SAMD11: variants seen among roughly 807,000 people sequenced by gnomAD.
The protein encoded by SAMD11 is sterile alpha motif domain containing 11, also known as sterile alpha motif domain-containing protein 11.
In SAMD11, 77 loss-of-function variants were observed where a neutral mutation model predicts 64.4. That is an observed-to-expected ratio of 1.20 (90% confidence interval 0.99 to 1.44). SAMD11 has a LOEUF of 1.44. Ranked by LOEUF, SAMD11 falls within the 40% of genes most tolerant of loss-of-function variation. The pLI, the probability that SAMD11 is intolerant of heterozygous loss-of-function variation, is 0.00. For missense variants in SAMD11, 1,402 were observed against 943.3 expected (o/e 1.49, Z -6.37); for synonymous variants, 658 against 421.9 (o/e 1.56, Z -6.86).
rs1441881282 is a variant in SAMD11 at position 939,111 on chromosome 1, C to T, written c.1039C>T (p.Arg347Ter). Residue 347 changes from arginine to a stop codon, truncating the protein, a stop_gained, in exon 6 of 14, where the codon CGA becomes TGA. Transcript: ENST00000616016. LOFTEE classifies it high-confidence loss of function. Reference sequence around the variant, plus strand: ...CGACTGCTTTTCAGAGAAGAGGGCACGAAGCGAATCGCCTCAAGGTAAGAG... The same window carrying T: ...CGACTGCTTTTCAGAGAAGAGGGCATGAAGCGAATCGCCTCAAGGTAAGAG... ...SSDCFSEKRA[R>*]SESPQEALLL... 1.7e-5 allele frequency: 27 copies of T among 1,597,194 alleles called. No individual in the cohort carries two copies. Among genetic ancestry groups the T allele is most frequent in the Non-Finnish European group, 2.0e-5 (24 of 1,172,056 alleles).
At chr1:943,208 A>G (rs762905331) in intron 11 of SAMD11, 45 bp from the exon 12 acceptor site, 1 of 1,610,906 alleles carries the variant, frequency 6.2e-7, no homozygotes, top group South Asian at 1.1e-5. Context: ...ACGGGCGGGT[A>G]TGGGAAAGCC....
chr1:942,312 C>T (rs1185402706), intron 9 of SAMD11, 61 bp downstream of exon 9: 2 of 1,055,232 alleles, frequency 1.9e-6, no homozygotes, highest in Non-Finnish European at 2.5e-6. Flanking sequence ...CCCGGCCCTG[C>T]CCCTGTCGGA....
At chr1:935,150 A>G (rs1459252922) in intron 4 of SAMD11, among the ~76,000 whole-genome samples, 1 of 152,028 alleles carries the variant, frequency 6.6e-6, no homozygotes, top group Non-Finnish European at 1.5e-5. Context: ...GAAATGAGGG[A>G]AGAAAAGAGT....
At chr1:930,949 C>A in intron 3 of SAMD11, 90 bp from the exon 4 acceptor site, 1 of 1,327,820 alleles carries the variant, frequency 7.5e-7, no homozygotes, top group African/African-American at 1.4e-5. Context: ...GGGGCACTGA[C>A]CCGAGACAGG....
At chr1:943,523 CACCTTTTTT>C in intron 12 of SAMD11, 146 bp downstream of exon 12, 2 of 872,462 alleles carry the variant, frequency 2.3e-6, no homozygotes. Context: ...CTGTGCACCC[CACCTTTTTT>C]TTTTTTTTTT....
rs752158245 is a variant in SAMD11, at chr1:941,324, G to A, written c.1358+18G>A. The A allele has an allele frequency of 1.0e-5, 16 of 1,531,922 alleles. No individual in the cohort carries two copies. Among genetic ancestry groups the A allele is most frequent in the African/African-American group, 2.8e-5 (2 of 72,640 alleles). The allele number at this position is 1,531,922 out of a possible 1,614,324, so 94.9% of individuals were successfully genotyped here. ...TCGGAGAGGTACTGGGGTGGCTGCC[G>A]TTCTCTGCTTGTTTCTGGGGTGCCG... On this transcript the variant is annotated intron_variant, in intron 8 of 13. Coordinates refer to ENST00000616016, the MANE Select transcript of SAMD11 (RefSeq NM_001385641.1).
At position 934,976 on chromosome 1, in the gene SAMD11, G is replaced by A. The variant is rs188664237; in HGVS notation, c.843-796G>A. ...CAGGTGGGCGGGCGGTGCTGCAGGA[G>A]GACTGCTCAGGGAGTGGCGCCTGGA... On this transcript the variant is annotated intron_variant, in intron 4 of 13. Coordinates refer to ENST00000616016, the MANE Select transcript of SAMD11 (RefSeq NM_001385641.1). Among the ~76,000 whole-genome samples the A allele has an allele frequency of 3.9e-4, 59 of 150,808 alleles. 1 individual carries two copies. The highest frequency in any genetic ancestry group is 1.3e-3 in the African/African-American group (53 of 40,364).
chr1:942,211 C>T lies in SAMD11; in HGVS notation c.1434C>T (p.Pro478=). 3 of 1,365,530 alleles carry T rather than the reference C, an allele frequency of 2.2e-6. No homozygotes were observed. The highest frequency in any genetic ancestry group is 2.8e-6 in the Non-Finnish European group (3 of 1,054,260). 84.6% of individuals were successfully genotyped at this position (1,365,530 alleles called of 1,614,324 possible). Residue 478 remains proline, a synonymous_variant, in exon 9 of 14, where the codon CCC becomes CCT. Transcript: ENST00000616016. ...TCGCCCTGGGCCCCCATCTCAGGCCCCCCTTCCTGGGGGTGCCCTCGGCTC... is the reference window on the plus strand; with the variant it reads ...TCGCCCTGGGCCCCCATCTCAGGCCTCCCTTCCTGGGGGTGCCCTCGGCTC... ...PHVALGPHLR[P]PFLGVPSALC...
In SAMD11 at chr1:930,347, C is replaced by G. The variant is rs772587001; in HGVS notation, c.791+11C>G. On this transcript the variant is annotated intron_variant, in intron 3 of 13. Coordinates refer to ENST00000616016, the MANE Select transcript of SAMD11 (RefSeq NM_001385641.1). ...TATCATGAAGAGAAGGTACTTGGAC[C>G]AGGGCCGGACAGGAAGGCGCAAGGC... 6 of 1,589,294 alleles carry G rather than the reference C, an allele frequency of 3.8e-6. No individual in the cohort carries two copies. The highest frequency in any genetic ancestry group is 1.3e-5 in the African/African-American group (1 of 74,680).
At position 924,552 on chromosome 1, in the gene SAMD11, C is replaced by A. The variant is rs1418372650; in HGVS notation, c.121C>A (p.Pro41Thr). Residue 41 changes from proline (P) to threonine (T), a missense_variant, in exon 1 of 14, where the codon CCC (proline) becomes ACC (threonine). Coordinates refer to ENST00000616016, the MANE Select transcript of SAMD11 (RefSeq NM_001385641.1). ...GCTGCCAGGCTACCTGGCGCCACTG[C>A]CCGCGGCGGCCGCCCTCCCCCCGGC... ...PPLPGYLAPL[P>T]AAAALPPAAS... 6.6e-6 allele frequency: 1 copy of A among 150,788 alleles called. No individual in the cohort carries two copies. Among genetic ancestry groups the A allele is most frequent in the Non-Finnish European group, 1.5e-5 (1 of 67,400 alleles). 9.3% of individuals were successfully genotyped at this position (150,788 alleles called of 1,614,324 possible).
chr1:935,155 A>G (rs1641363791), intron 4 of SAMD11, among the ~76,000 whole-genome samples: 1 of 152,072 alleles, frequency 6.6e-6, no homozygotes, highest in African/African-American at 2.4e-5. Context: ...GAGGGAAGAA[A>G]AGAGTTAAAT....
At chr1:927,887 C>T (rs995171508) in intron 2 of SAMD11, among the ~76,000 whole-genome samples, 3 of 152,366 alleles carry the variant, frequency 2.0e-5, no homozygotes, top group Non-Finnish European at 4.4e-5. Flanking sequence ...CAGACCTGCC[C>T]TCCAGGTGCC....
rs766793967 is a variant in SAMD11 at position 935,803 on chromosome 1, A to G, written c.874A>G (p.Ser292Gly). 23 of 1,613,108 alleles carry G rather than the reference A, an allele frequency of 1.4e-5. No individual in the cohort carries two copies. Among genetic ancestry groups the G allele is most frequent in the Non-Finnish European group, 1.9e-5 (22 of 1,179,830 alleles). The change falls in exon 5 of 14, where the codon AGC becomes GGC. Residue 292 changes from serine to glycine, a missense_variant. By Grantham distance (56) the Ser-to-Gly change is moderately conservative. Transcript: ENST00000616016. ...QDGNLPTLIS[S>G]VHRSRHLVMP... The stretch of plus-strand genomic sequence containing the variant: ...CGGCAACCTTCCCACCCTCATATCC[A>G]GCGTCCACCGCAGCCGCCACCTCGT...
In SAMD11 at chr1:941,912, C is replaced by A. The variant is rs796873909; in HGVS notation, c.1359-224C>A. Among the ~76,000 whole-genome samples the A allele has an allele frequency of 2.6e-4, 39 of 152,100 alleles. 1 individual carries two copies. The highest frequency in any genetic ancestry group is 9.4e-4 in the African/African-American group (39 of 41,516). On this transcript the variant is annotated intron_variant, in intron 8 of 13. Transcript: ENST00000616016. ...GGCCGGCGCCCCGCGCAGTAATTAC[C>A]GCTGCAGCCGTCGCCGCCCGCCGGG... is the stretch of plus-strand genomic sequence containing the variant.
intron 5 of SAMD11, 121 bp downstream of exon 5, chr1:936,017 C>A (rs1008903497): frequency 8.8e-6 from 9 of 1,026,150 alleles, no homozygotes; most frequent in Non-Finnish European, 1.3e-5. Context: ...GCGGCCTGTC[C>A]CCCAGGGGCT....
chr1:944,305 T>A lies in SAMD11; in HGVS notation c.*152T>A, dbSNP rs1464445899. ...GTGACTTCAAAGGAAAGGAACAAAT[T>A]TTCAAAGACTTGGGGGAGTGAAGGC... On this transcript the variant is annotated 3_prime_UTR_variant, in exon 14 of 14. Transcript: ENST00000616016. 1 of 1,392,058 alleles carries A rather than the reference T, an allele frequency of 7.2e-7. No individual in the cohort carries two copies. Among genetic ancestry groups the A allele is most frequent in the African/African-American group, 1.5e-5 (1 of 68,042 alleles). The allele number at this position is 1,392,058 out of a possible 1,614,324, so 86.2% of individuals were successfully genotyped here.
intron 5 of SAMD11, among the ~76,000 whole-genome samples, chr1:936,461 G>T (rs986174497): frequency 6.6e-6 from 1 of 152,152 alleles, no homozygotes; most frequent in Non-Finnish European, 1.5e-5. Context: ...CTCCGGGAAG[G>T]ATGGGGTTCT....
At chr1:942,071 G>T in intron 8 of SAMD11, 65 bp from the exon 9 acceptor site, 1 of 482,900 alleles carries the variant, frequency 2.1e-6, no homozygotes, top group East Asian at 3.6e-5. Flanking sequence ...GGCGGGGGAG[G>T]GGCGCCGGGG....
intron 7 of SAMD11, among the ~76,000 whole-genome samples, chr1:940,655 G>C (rs943641682): frequency 1.3e-5 from 2 of 152,312 alleles, no homozygotes; most frequent in East Asian, 1.9e-4. Context: ...GCCGGGACTG[G>C]GCGACCCCTG....
Sources: gnomAD v4.1 joint callset for allele counts (sites outside exome capture counted in the v4.1 genomes callset) on GRCh38, gnomAD v4.1.1 for gene constraint, MANE v1.5 for transcripts, NCBI Gene and HGNC (gene_info 2026-07-23, HGNC 2026-07-21) for gene names.